Variants in ECPAS observed in about 807,000 individuals in gnomAD.
ECPAS encodes the protein Ecm29 proteasome adaptor and scaffold.
In ECPAS, 70 loss-of-function variants were observed where a neutral mutation model predicts 255.1. That is an observed-to-expected ratio of 0.27 (90% CI 0.23 to 0.33). The LOEUF is 0.33. Among genes scored for constraint, ECPAS ranks in the 10% least tolerant of loss-of-function variants. The pLI is 1.00. For synonymous variants in ECPAS, 784 were observed against 775.0 expected (o/e 1.01, Z -0.19); for missense variants, 1,817 against 2,206.4 (o/e 0.82, Z 3.54).
At chr9:111,466,270 A>AC (rs1466935508) in intron 2 of ECPAS, among the ~76,000 whole-genome samples, 1 of 151,822 alleles carries the variant, frequency 6.6e-6, no homozygotes, top group Non-Finnish European at 1.5e-5. Context: ...ACATGGTGAA[A>AC]CCCATGTCTA....
intron 9 of ECPAS, among the ~76,000 whole-genome samples, chr9:111,429,835 C>G (rs2098227261): frequency 6.6e-6 from 1 of 152,136 alleles, no homozygotes; most frequent in South Asian, 2.1e-4. Context: ...TAAACCCCAA[C>G]TCAAACAAAA....
In ECPAS at chr9:111,391,838, A is replaced by C; in HGVS notation, c.3093-14T>G. 1 of 1,534,844 alleles carries C rather than the reference A, an allele frequency of 6.5e-7. No individual in the cohort carries two copies. The highest frequency in any genetic ancestry group is 1.8e-5 in the Admixed American group (1 of 56,808). ...TCATGTTTAACTCTAAACCAAAACA[A>C]TAATTTCAATAAGCTTCAAGCTTTT... On this transcript the variant is annotated splice_polypyrimidine_tract_variant and intron_variant, in intron 28 of 49. Transcript: ENST00000684092.
intron 17 of ECPAS, among the ~76,000 whole-genome samples, chr9:111,417,224 A>G (rs2098205191): frequency 6.6e-6 from 1 of 151,938 alleles, no homozygotes; most frequent in Admixed American, 6.6e-5. Flanking sequence ...GGGTGACCAG[A>G]GCAAGACCCT....
chr9:111,382,460 G>A (rs977920615), intron 35 of ECPAS, among the ~76,000 whole-genome samples: 2 of 151,634 alleles, frequency 1.3e-5, no homozygotes, highest in African/African-American at 4.8e-5. Context: ...TAGAGATGGG[G>A]TTTCTCCATG....
chr9:111,445,212 C>G (rs1034727917), intron 3 of ECPAS, among the ~76,000 whole-genome samples: 5 of 151,444 alleles, frequency 3.3e-5, no homozygotes, highest in Admixed American at 1.3e-4. Context: ...CCAGGCTGGT[C>G]TCAAACTCCT....
At chr9:111,449,729 A>G (rs1450410993) in intron 3 of ECPAS, among the ~76,000 whole-genome samples, 2 of 152,160 alleles carry the variant, frequency 1.3e-5, no homozygotes, top group Non-Finnish European at 1.5e-5. Context: ...CCCTACTCCA[A>G]GTCTTTCTCC....
chr9:111,387,229 CAG>C (rs2131590315), intron 31 of ECPAS, among the ~76,000 whole-genome samples: 1 of 152,156 alleles, frequency 6.6e-6, no homozygotes, highest in African/African-American at 2.4e-5. Context: ...TACTGAGGGA[CAG>C]AGTCTCACTC....
chr9:111,402,950 C>G (rs1430637392), intron 24 of ECPAS, among the ~76,000 whole-genome samples: 1 of 152,110 alleles, frequency 6.6e-6, no homozygotes, highest in Non-Finnish European at 1.5e-5. Context: ...GTAGTTAAGT[C>G]TTTACCTAAC....
intron 2 of ECPAS, among the ~76,000 whole-genome samples, chr9:111,470,683 T>C (rs1382645160): frequency 6.6e-6 from 1 of 150,868 alleles, no homozygotes; most frequent in East Asian, 2.0e-4. Context: ...TACCCCTCCC[T>C]GATCATATTG....
intron 24 of ECPAS, among the ~76,000 whole-genome samples, 190 bp downstream of exon 24, chr9:111,408,381 C>T (rs1589155795): frequency 6.6e-6 from 1 of 152,272 alleles, no homozygotes; most frequent in Admixed American, 6.5e-5. Flanking sequence ...AGGTCTTTCC[C>T]TCATAGGTGA....
chr9:111,364,432 GA>G (rs2098117865), intron 48 of ECPAS, among the ~76,000 whole-genome samples: 1 of 152,162 alleles, frequency 6.6e-6, no homozygotes. Context: ...TTTGAAGGGG[GA>G]AAGATTCCAT....
intron 2 of ECPAS, among the ~76,000 whole-genome samples, chr9:111,469,132 G>T (rs1271589854): frequency 6.6e-6 from 1 of 152,190 alleles, no homozygotes; most frequent in African/African-American, 2.4e-5. Flanking sequence ...AGCTATTTGG[G>T]AGGCTGAGGC....
chr9:111,369,385 G>A lies in ECPAS; in HGVS notation c.4975-212C>T, dbSNP rs1055395518. Among the ~76,000 whole-genome samples, 4 of 152,170 alleles carry A rather than the reference G, an allele frequency of 2.6e-5. No homozygotes were observed. The East Asian group carries it at 7.7e-4, about 29-fold the overall frequency. ...TTTAGGCAATACTTTACAGGCATCTGTAAACAAAAGCTAAAAAATACTGCA... is the reference window on the plus strand; with the variant it reads ...TTTAGGCAATACTTTACAGGCATCTATAAACAAAAGCTAAAAAATACTGCA... On this transcript the variant is annotated intron_variant, in intron 45 of 49. Coordinates refer to ENST00000684092, the MANE Select transcript of ECPAS (RefSeq NM_001364929.1).
chr9:111,426,112 G>A (rs1451474002), intron 10 of ECPAS, among the ~76,000 whole-genome samples: 1 of 152,178 alleles, frequency 6.6e-6, no homozygotes, highest in Non-Finnish European at 1.5e-5. Context: ...TCACCACTCA[G>A]CTATTCCCTA....
At chr9:111,368,968 G>C in intron 46 of ECPAS, 67 bp downstream of exon 46, 1 of 1,375,866 alleles carries the variant, frequency 7.3e-7, no homozygotes. Flanking sequence ...TTGTCATAGA[G>C]AAAATTCTTC....
intron 1 of ECPAS, among the ~76,000 whole-genome samples, chr9:111,473,414 T>G (rs1313928762): frequency 6.6e-6 from 1 of 152,208 alleles, no homozygotes; most frequent in Admixed American, 6.5e-5. Context: ...ACATTACATA[T>G]GAGAACGCAA....
intron 22 of ECPAS, among the ~76,000 whole-genome samples, chr9:111,410,741 A>C (rs563265179): frequency 6.6e-6 from 1 of 151,534 alleles, no homozygotes; most frequent in South Asian, 2.1e-4. Flanking sequence ...CTGGTCTCAA[A>C]CTCTTGGACT....
At chr9:111,467,507 A>G (rs2098281044) in intron 2 of ECPAS, among the ~76,000 whole-genome samples, 1 of 152,168 alleles carries the variant, frequency 6.6e-6, no homozygotes, top group Non-Finnish European at 1.5e-5. Context: ...CAGGTTTTTT[A>G]AGGTTGCTTA....
chr9:111,369,184 T>C lies in ECPAS; in HGVS notation c.4975-11A>G, dbSNP rs775394047. On this transcript the variant is annotated splice_polypyrimidine_tract_variant and intron_variant, in intron 45 of 49. Coordinates refer to ENST00000684092, the MANE Select transcript of ECPAS (RefSeq NM_001364929.1). ...GCTTTCAAGTGAGTTCTAGGATATA[T>C]CAAAGAAAAGAAAATGTAATATTTT... 39 of 1,498,376 alleles carry C rather than the reference T, an allele frequency of 2.6e-5. 1 individual carries two copies. Among genetic ancestry groups the C allele is most frequent in the Non-Finnish European group, 2.8e-5 (32 of 1,130,572 alleles). 92.8% of individuals were successfully genotyped at this position (1,498,376 alleles called of 1,614,324 possible).
Sources: allele counts gnomAD v4.1 joint callset (sites outside exome capture counted in the v4.1 genomes callset), GRCh38; gene constraint gnomAD v4.1.1; transcripts MANE v1.5; gene names NCBI Gene and HGNC (gene_info 2026-07-23, HGNC 2026-07-21).